The following FASTKD5 variants were observed in gnomAD, a reference collection of about 807,000 sequenced individuals.
FASTKD5 encodes the protein non-canonical pre-mRNAs endonuclease FASTKD5, mitochondrial.
A neutral mutation model predicts 44.0 loss-of-function variants in FASTKD5; 30 were observed. The observed-to-expected ratio is 0.68, with a 90% confidence interval of 0.51 to 0.93. The LOEUF (loss-of-function observed/expected upper bound fraction) is 0.93. Among genes scored for constraint, FASTKD5 ranks in the 40% least tolerant of loss-of-function variants. The pLI is 0.00. For missense variants in FASTKD5, 868 were observed against 908.2 expected (o/e 0.96, Z 0.57); for synonymous variants, 335 against 342.2 (o/e 0.98, Z 0.23).
intron 1 of FASTKD5, among the ~76,000 whole-genome samples, chr20:3,157,348 G>A (rs1430277620): frequency 6.6e-6 from 1 of 152,188 alleles, no homozygotes; most frequent in East Asian, 1.9e-4. Flanking sequence ...CAAGTTCAGT[G>A]TCACTCGCAG....
At position 3,148,179 on chromosome 20, in the gene FASTKD5, G is replaced by C. The variant is rs6084274; in HGVS notation, c.892C>G (p.Leu298Val). The C allele has an allele frequency of 5.0e-6, 8 of 1,613,736 alleles. No homozygotes were observed. Among genetic ancestry groups the C allele is most frequent in the East Asian group, 2.2e-5 (1 of 44,898 alleles). Residue 298 changes from leucine to valine, a missense_variant, in exon 2 of 2, where the codon CTA becomes GTA. Transcript: ENST00000380266. ...IGENRQVSQD[L>V]MQKLESLILK... ...ATCAATGATTCCAATTTTTGCATTA[G>C]GTCCTGGGATACCTGACGATTTTCA...
chr20:3,158,564 C>A (rs1282893716), intron 1 of FASTKD5, among the ~76,000 whole-genome samples: 1 of 152,198 alleles, frequency 6.6e-6, no homozygotes, highest in Non-Finnish European at 1.5e-5. Context: ...CACTCCGCCT[C>A]CCGGGGTTCA....
rs757345675 is a variant in FASTKD5 at position 3,149,109 on chromosome 20, A to C, written c.-39T>G. ...TTGATCTCTTTGGCAGTCAGAATAC[A>C]GTCCTCACAGATTTGACCAGGCAAT... On this transcript the variant is annotated 5_prime_UTR_variant, in exon 2 of 2. Transcript: ENST00000380266. This position sits in a 1 kb window ranked among gnomAD's most constrained non-coding sequence, Gnocchi z 4.1. 6.4e-7 allele frequency: 1 copy of C among 1,562,842 alleles called. No individual in the cohort carries two copies. Among genetic ancestry groups the C allele is most frequent in the African/African-American group, 1.4e-5 (1 of 73,386 alleles).
At position 3,147,825 on chromosome 20, in the gene FASTKD5, C is replaced by T; in HGVS notation, c.1246G>A (p.Ala416Thr). Residue 416 changes from alanine (A) to threonine (T), a missense_variant, in exon 2 of 2, where the codon GCG becomes ACG. Ala to Thr is a moderately conservative substitution (Grantham distance 58). Transcript: ENST00000380266. ...TGTGCCACTCTAGGAGGCAAAGACGCAGCCACTGCATTCATTACTCCTTCA... is the reference window on the plus strand; with the variant it reads ...TGTGCCACTCTAGGAGGCAAAGACGTAGCCACTGCATTCATTACTCCTTCA... ...LNEGVMNAVA[A>T]SLPPRVAHCR... 1 of 1,614,200 alleles carries T rather than the reference C, an allele frequency of 6.2e-7. No individual in the cohort carries two copies. The highest frequency in any genetic ancestry group is 8.5e-7 in the Non-Finnish European group (1 of 1,180,028).
intron 1 of FASTKD5, among the ~76,000 whole-genome samples, chr20:3,153,229 C>A (rs1008964136): frequency 2.0e-5 from 3 of 152,202 alleles, no homozygotes; most frequent in Non-Finnish European, 4.4e-5. Flanking sequence ...AAAGAACCAT[C>A]TCCTAGAACA....
Position 3,146,683 on chromosome 20 carries a change from G to A in FASTKD5, c.*93C>T, listed in dbSNP as rs768559561. ...AGTCTCCTCAACACACTATTTTATC[G>A]CCAAACTTACATTCTGGCTTTTATA... On this transcript the variant is annotated 3_prime_UTR_variant, in exon 2 of 2. Transcript: ENST00000380266. The A allele has an allele frequency of 3.0e-5, 43 of 1,449,376 alleles. No individual in the cohort carries two copies. Among genetic ancestry groups the A allele is most frequent in the Middle Eastern group, 2.2e-4 (1 of 4,618 alleles). 89.8% of individuals were successfully genotyped at this position (1,449,376 alleles called of 1,614,324 possible).
intron 1 of FASTKD5, chr20:3,150,884 C>T (rs748857440): frequency 6.6e-6 from 1 of 152,060 alleles, no homozygotes; most frequent in Admixed American, 6.6e-5. Flanking sequence ...GCTTGTGGAC[C>T]ATTCTTTTTT....
At chr20:3,153,888 A>T (rs1568484038) in intron 1 of FASTKD5, among the ~76,000 whole-genome samples, 1 of 150,886 alleles carries the variant, frequency 6.6e-6, no homozygotes, top group African/African-American at 2.4e-5. Context: ...TACTCCAATC[A>T]TTTTTTTTTC....
intron 1 of FASTKD5, among the ~76,000 whole-genome samples, chr20:3,150,018 CA>C (rs1358453716): frequency 3.7e-3 from 412 of 110,430 alleles, no homozygotes; most frequent in East Asian, 6.2e-3. Flanking sequence ...GACTCCATCT[CA>C]AAAAAAAAAA....
In FASTKD5 at chr20:3,149,037, T is replaced by C; in HGVS notation, c.34A>G (p.Arg12Gly). ...GAAGGACTGCAAAATGCTCGGTATC[T>C]TACAAGTTTTAATGACTTGAGAGTA... is the stretch of plus-strand genomic sequence containing the variant. The part of the protein sequence containing the change: ...AATLKSLKLV[R>G]YRAFCSPSAF... The change falls in exon 2 of 2, where the codon AGA (arginine) becomes GGA (glycine). Residue 12 changes from arginine (R) to glycine (G), a missense_variant. By Grantham distance (125) the Arg-to-Gly change is moderately radical (BLOSUM62 -2). Coordinates refer to ENST00000380266, the MANE Select transcript of FASTKD5 (RefSeq NM_021826.5). The surrounding 1 kb of genome is among the most constrained non-coding windows in gnomAD (Gnocchi z 4.1). The C allele has an allele frequency of 5.0e-6, 8 of 1,613,540 alleles. No individual in the cohort carries two copies. Among genetic ancestry groups the C allele is most frequent in the Non-Finnish European group, 6.8e-6 (8 of 1,179,694 alleles).
At chr20:3,158,006 C>A (rs936834459) in intron 1 of FASTKD5, among the ~76,000 whole-genome samples, 1 of 152,116 alleles carries the variant, frequency 6.6e-6, no homozygotes, top group African/African-American at 2.4e-5. Flanking sequence ...CCTCTCACCC[C>A]GGCAACCTCC....
intron 1 of FASTKD5, among the ~76,000 whole-genome samples, chr20:3,152,594 T>C (rs1483154568): frequency 6.6e-6 from 1 of 152,092 alleles, no homozygotes; most frequent in Non-Finnish European, 1.5e-5. Context: ...TTCAAATCTG[T>C]AGTCTTCATC....
intron 1 of FASTKD5, among the ~76,000 whole-genome samples, chr20:3,151,182 C>T (rs993037422): frequency 6.6e-6 from 1 of 152,118 alleles, no homozygotes; most frequent in Non-Finnish European, 1.5e-5. Flanking sequence ...GTATTACAGG[C>T]ATCAGCCACC....
chr20:3,148,771 T>A lies in FASTKD5; in HGVS notation c.300A>T (p.Gly100=). ...TLQLGSPRAT[G]VDEEDVEVFD... Reference sequence around the variant, plus strand: ...ACACTTCTACGTCCTCTTCATCAACTCCTGTGGCCCTGGGTGAGCCCAGCT... The same window carrying A: ...ACACTTCTACGTCCTCTTCATCAACACCTGTGGCCCTGGGTGAGCCCAGCT... The change falls in exon 2 of 2, where the codon GGA becomes GGT. Residue 100 remains glycine (G), a synonymous_variant. Coordinates refer to ENST00000380266, the MANE Select transcript of FASTKD5 (RefSeq NM_021826.5). 1 of 1,614,224 alleles carries A rather than the reference T, an allele frequency of 6.2e-7. No homozygotes were observed. Among genetic ancestry groups the A allele is most frequent in the Non-Finnish European group, 8.5e-7 (1 of 1,180,034 alleles).
rs1002746966 is a variant in FASTKD5 at position 3,149,019 on chromosome 20, T to G, written c.52A>C (p.Ser18Arg). The G allele has an allele frequency of 1.9e-6, 3 of 1,613,804 alleles. No homozygotes were observed. The highest frequency in any genetic ancestry group is 2.5e-6 in the Non-Finnish European group (3 of 1,179,946). Residue 18 changes from serine to arginine, a missense_variant, in exon 2 of 2, where the codon AGT becomes CGT. Physicochemically the swap from Ser to Arg is moderately radical, Grantham distance 110 (BLOSUM62 -1). Coordinates refer to ENST00000380266, the MANE Select transcript of FASTKD5 (RefSeq NM_021826.5). The surrounding 1 kb of genome is among the most constrained non-coding windows in gnomAD (Gnocchi z 4.1). ...CGGACTGCACCAAAGGCAGAAGGACTGCAAAATGCTCGGTATCTTACAAGT... is the reference window on the plus strand; with the variant it reads ...CGGACTGCACCAAAGGCAGAAGGACGGCAAAATGCTCGGTATCTTACAAGT... The part of the protein sequence containing the change: ...LKLVRYRAFC[S>R]PSAFGAVRSV...
At chr20:3,159,517 A>G (rs973073352) in intron 1 of FASTKD5, among the ~76,000 whole-genome samples, 5 of 152,244 alleles carry the variant, frequency 3.3e-5, no homozygotes, top group Non-Finnish European at 5.9e-5. Context: ...TCACAGAGGA[A>G]AAAAAATCAA....
In FASTKD5 at chr20:3,146,739, C is replaced by A. The variant is rs891796195; in HGVS notation, c.*37G>T. 1.3e-6 allele frequency: 2 copies of A among 1,591,202 alleles called. No individual in the cohort carries two copies. The highest frequency in any genetic ancestry group is 1.3e-5 in the African/African-American group (1 of 74,572). ...TTTGCAACACCTGGTACAGTATACA[C>A]CTATAGCTTTGCCATAGAAATGCCC... is the stretch of plus-strand genomic sequence containing the variant. On this transcript the variant is annotated 3_prime_UTR_variant, in exon 2 of 2. Coordinates refer to ENST00000380266, the MANE Select transcript of FASTKD5 (RefSeq NM_021826.5).
At chr20:3,155,782 T>C (rs1207956309) in intron 1 of FASTKD5, among the ~76,000 whole-genome samples, 1 of 152,190 alleles carries the variant, frequency 6.6e-6, no homozygotes, top group Non-Finnish European at 1.5e-5. Context: ...TTTAAAGATG[T>C]TCAATAACAG....
In FASTKD5 at chr20:3,147,693, T is replaced by C. The variant is rs1274372321; in HGVS notation, c.1378A>G (p.Arg460Gly). Residue 460 changes from arginine (R) to glycine (G), a missense_variant, in exon 2 of 2, where the codon AGA becomes GGA. Transcript: ENST00000380266. The stretch of plus-strand genomic sequence containing the variant: ...TACTGGTTGAATTCAGGCATCTTTC[T>C]GTGAATCTCACTTATCAGGCTGGAG... ...FYSSLISEIH[R>G]KMPEFNQYPE... 1.9e-6 allele frequency: 3 copies of C among 1,614,268 alleles called. No individual in the cohort carries two copies. In the Admixed American group the frequency reaches 5.0e-5, roughly 27 times the overall value.
Sources: allele counts gnomAD v4.1 joint callset (sites outside exome capture counted in the v4.1 genomes callset), GRCh38; gene constraint gnomAD v4.1.1; non-coding constraint Gnocchi (gnomAD v3.1); transcripts MANE v1.5; gene names NCBI Gene and HGNC (gene_info 2026-07-23, HGNC 2026-07-21).